Variants in ANKRD29 observed in about 807,000 individuals in gnomAD.
ANKRD29 encodes ankyrin repeat domain-containing protein 29.
In ANKRD29, 32 loss-of-function variants were observed where a neutral mutation model predicts 38.0. The ratio of observed to expected loss-of-function variants is 0.84; its 90% confidence interval spans 0.64 to 1.13. The LOEUF (loss-of-function observed/expected upper bound fraction) is 1.13. ANKRD29 is among the 50% of genes most tolerant of loss of function. The pLI is 0.00. For missense variants in ANKRD29, 357 were observed against 377.9 expected, an observed-to-expected ratio of 0.94 and a Z score of 0.46; for synonymous variants, 135 against 152.4, an observed-to-expected ratio of 0.89 and a Z score of 0.84.
chr18:23,662,684 C>T, intron 1 of ANKRD29, 26 bp downstream of exon 1: 1 of 1,466,842 alleles, frequency 6.8e-7, no homozygotes, highest in South Asian at 1.3e-5. Flanking sequence ...GGCCCCAGCC[C>T]TGACCCCGGA....
intron 5 of ANKRD29, among the ~76,000 whole-genome samples, chr18:23,633,475 A>AT (rs2059959870): frequency 6.6e-6 from 1 of 152,158 alleles, no homozygotes; most frequent in Non-Finnish European, 1.5e-5. Flanking sequence ...GTATCACATG[A>AT]TTTTTGAAGG....
intron 8 of ANKRD29, among the ~76,000 whole-genome samples, chr18:23,614,522 C>G (rs543200026): frequency 6.6e-6 from 1 of 152,226 alleles, no homozygotes; most frequent in South Asian, 2.1e-4. Context: ...TTTCTGGCTT[C>G]TAAAGCTCAT....
At chr18:23,611,080 A>C (rs976117872) in intron 9 of ANKRD29, among the ~76,000 whole-genome samples, 1 of 152,262 alleles carries the variant, frequency 6.6e-6, no homozygotes, top group Non-Finnish European at 1.5e-5. Context: ...TAAAATGACA[A>C]TCATTTAAAA....
rs762700265 is a variant in ANKRD29, at chr18:23,629,839, A to T, written c.528+14T>A. On this transcript the variant is annotated intron_variant, in intron 6 of 9. Coordinates refer to ENST00000592179, the MANE Select transcript of ANKRD29 (RefSeq NM_173505.4). ...GCGCCATGTGCTCGGGCAAATGTCA[A>T]CAGTGGACATTACCTGCCTTGGCTG... 2 of 1,612,478 alleles carry T rather than the reference A, an allele frequency of 1.2e-6. No individual in the cohort carries two copies. The highest frequency in any genetic ancestry group is 2.2e-5 in the South Asian group (2 of 90,634).
intron 4 of ANKRD29, among the ~76,000 whole-genome samples, chr18:23,638,091 G>A (rs556394045): frequency 4.3e-5 from 6 of 139,586 alleles, no homozygotes; most frequent in South Asian, 2.3e-4. Context: ...TCTGCCTCCC[G>A]GGTTCAAGTG....
At chr18:23,659,809 G>C (rs1338231234) in intron 1 of ANKRD29, among the ~76,000 whole-genome samples, 1 of 151,518 alleles carries the variant, frequency 6.6e-6, no homozygotes, top group South Asian at 2.1e-4. Flanking sequence ...GACAAGCATG[G>C]TTTTAAAAAT....
chr18:23,639,393 A>G (rs1286489323), intron 3 of ANKRD29, among the ~76,000 whole-genome samples: 1 of 152,194 alleles, frequency 6.6e-6, no homozygotes, highest in African/African-American at 2.4e-5. Flanking sequence ...TGATGTATCC[A>G]TACAATGGAC....
At chr18:23,642,159 C>A (rs1330893375) in intron 3 of ANKRD29, among the ~76,000 whole-genome samples, 1 of 151,942 alleles carries the variant, frequency 6.6e-6, no homozygotes, top group Non-Finnish European at 1.5e-5. Flanking sequence ...GGATGCGGGA[C>A]AAGAATTTAG....
At chr18:23,648,995 T>C (rs758957379) in intron 2 of ANKRD29, 88 bp downstream of exon 2, 6 of 1,054,242 alleles carry the variant, frequency 5.7e-6, no homozygotes, top group East Asian at 2.4e-5. Context: ...TAAATAAGCA[T>C]TGTAAAGGGG....
intron 5 of ANKRD29, among the ~76,000 whole-genome samples, chr18:23,631,743 C>T (rs191593468): frequency 6.6e-6 from 1 of 152,302 alleles, no homozygotes; most frequent in Admixed American, 6.5e-5. Context: ...TTCCAGTGCT[C>T]TTTAGTTTTC....
intron 7 of ANKRD29, among the ~76,000 whole-genome samples, chr18:23,618,983 G>T (rs367798660): frequency 1.3e-5 from 2 of 152,180 alleles, no homozygotes; most frequent in Non-Finnish European, 2.9e-5. Context: ...TTATACAAAG[G>T]CCACAGTAAA....
At chr18:23,648,906 T>A (rs1040442990) in intron 2 of ANKRD29, 177 bp downstream of exon 2, 3 of 526,126 alleles carry the variant, frequency 5.7e-6, no homozygotes, top group African/African-American at 4.0e-5. Flanking sequence ...TCTTTCTGAC[T>A]TCCCCCAGCA....
intron 4 of ANKRD29, among the ~76,000 whole-genome samples, chr18:23,636,018 C>A (rs975888268): frequency 2.0e-5 from 3 of 152,270 alleles, no homozygotes; most frequent in Non-Finnish European, 4.4e-5. Flanking sequence ...GAATAAGCAC[C>A]ATTTCTAAGC....
At chr18:23,619,752 T>C (rs1169314763) in intron 6 of ANKRD29, 123 bp from the exon 7 acceptor site, 2 of 752,326 alleles carry the variant, frequency 2.7e-6, no homozygotes, top group African/African-American at 1.8e-5. Flanking sequence ...TGACCGCAGA[T>C]CACACTCTGC....
intron 1 of ANKRD29, among the ~76,000 whole-genome samples, chr18:23,657,403 C>G (rs1001573340): frequency 1.3e-5 from 2 of 152,208 alleles, no homozygotes; most frequent in African/African-American, 4.8e-5. Flanking sequence ...AAATCATCCC[C>G]AAGCCTTCTC....
intron 6 of ANKRD29, 80 bp from the exon 7 acceptor site, chr18:23,619,709 G>A (rs1045271531): frequency 4.0e-6 from 5 of 1,259,654 alleles, no homozygotes; most frequent in Non-Finnish European, 5.3e-6. Context: ...AACACCAGGG[G>A]TCTGAAAGCG....
intron 5 of ANKRD29, among the ~76,000 whole-genome samples, chr18:23,633,168 T>C (rs1355220056): frequency 2.0e-5 from 3 of 152,194 alleles, no homozygotes; most frequent in African/African-American, 7.2e-5. Context: ...ATAGCGACAA[T>C]CAATTGAAAG....
intron 4 of ANKRD29, among the ~76,000 whole-genome samples, chr18:23,635,886 G>A (rs1337780651): frequency 6.6e-6 from 1 of 152,174 alleles, no homozygotes; most frequent in Non-Finnish European, 1.5e-5. Flanking sequence ...CAGGCTCTGT[G>A]GTGGGGGAGG....
At chr18:23,616,840 A>C (rs996462585) in intron 8 of ANKRD29, among the ~76,000 whole-genome samples, 1 of 149,456 alleles carries the variant, frequency 6.7e-6, no homozygotes, top group East Asian at 1.9e-4. Context: ...AGTAAACAGA[A>C]ATACTAATAT....
Sources: gnomAD v4.1 joint callset for allele counts (sites outside exome capture counted in the v4.1 genomes callset) on GRCh38, gnomAD v4.1.1 for gene constraint, MANE v1.5 for transcripts, NCBI Gene and HGNC (gene_info 2026-07-23, HGNC 2026-07-21) for gene names.